ARHGAP10: variants seen among roughly 807,000 people sequenced by gnomAD.
The protein encoded by ARHGAP10 is rho GTPase-activating protein 10.
Under a neutral mutation model 108.6 loss-of-function variants are expected in ARHGAP10, and 87 were observed. The observed-to-expected ratio is 0.80, with a 90% CI of 0.67 to 0.96. ARHGAP10 has a LOEUF of 0.96. ARHGAP10 is among the 40% of genes least tolerant of loss of function. ARHGAP10 has a pLI of 0.00. For missense variants in ARHGAP10, 939 were observed against 954.5 expected (o/e 0.98, Z 0.21); for synonymous variants, 347 against 341.1 (o/e 1.02, Z -0.19).
intron 18 of ARHGAP10, among the ~76,000 whole-genome samples, chr4:147,982,401 A>C (rs1739847554): frequency 3.8e-5 from 5 of 130,932 alleles, no homozygotes; most frequent in African/African-American, 8.8e-5. Context: ...ACAGGGTCTC[A>C]CTCTGTTGCC....
chr4:147,906,827 A>C (rs547390854), intron 11 of ARHGAP10, 108 bp downstream of exon 11: 4 of 1,303,144 alleles, frequency 3.1e-6, no homozygotes, highest in Non-Finnish European at 4.4e-6. Context: ...CTTCTATAAC[A>C]GGTATTCCAA....
chr4:147,977,519 G>A (rs889629570), intron 18 of ARHGAP10, among the ~76,000 whole-genome samples: 5 of 152,138 alleles, frequency 3.3e-5, no homozygotes, highest in African/African-American at 9.7e-5. Context: ...AGATGATTGT[G>A]TGCCAGGCAC....
At chr4:148,029,997 C>T (rs528968550) in intron 19 of ARHGAP10, among the ~76,000 whole-genome samples, 4 of 151,482 alleles carry the variant, frequency 2.6e-5, no homozygotes, top group Admixed American at 2.0e-4. Context: ...CTCAGCATCC[C>T]CCCCCCCACC....
At chr4:147,787,827 G>A (rs1022295044) in intron 1 of ARHGAP10, among the ~76,000 whole-genome samples, 2 of 152,110 alleles carry the variant, frequency 1.3e-5, no homozygotes, top group African/African-American at 4.8e-5. Context: ...TGATGCCTGG[G>A]GGGAAGACAG....
chr4:147,732,642 G>A (rs919971342), intron 1 of ARHGAP10, among the ~76,000 whole-genome samples, 187 bp downstream of exon 1: 11 of 152,060 alleles, frequency 7.2e-5, no homozygotes, highest in Non-Finnish European at 8.8e-5. Context: ...TCGAGGCAGC[G>A]CGGCGAGTCC....
At chr4:148,002,748 T>A (rs955388673) in intron 18 of ARHGAP10, among the ~76,000 whole-genome samples, 7 of 152,228 alleles carry the variant, frequency 4.6e-5, no homozygotes, top group African/African-American at 9.6e-5. Context: ...TTCTGTGGGA[T>A]CAGTGGTGAT....
chr4:147,998,569 G>A (rs949585838), intron 18 of ARHGAP10, among the ~76,000 whole-genome samples: 1 of 152,218 alleles, frequency 6.6e-6, no homozygotes, highest in African/African-American at 2.4e-5. Flanking sequence ...ATTATATAGA[G>A]TTCTTAAATA....
chr4:148,058,971 C>G (rs577619046), intron 20 of ARHGAP10, among the ~76,000 whole-genome samples: 2 of 152,344 alleles, frequency 1.3e-5, no homozygotes, highest in South Asian at 2.1e-4. Flanking sequence ...CACCTAAACA[C>G]AGGAAATGCC....
chr4:147,770,548 A>G (rs774207884), intron 1 of ARHGAP10, among the ~76,000 whole-genome samples: 4 of 152,136 alleles, frequency 2.6e-5, no homozygotes, highest in Non-Finnish European at 5.9e-5. Context: ...CCTGTATCAC[A>G]TTGTTTTATG....
chr4:147,879,829 T>G (rs1472385598), intron 9 of ARHGAP10, among the ~76,000 whole-genome samples: 2 of 152,106 alleles, frequency 1.3e-5, no homozygotes, highest in Non-Finnish European at 2.9e-5. Context: ...AACAATAGAA[T>G]CCTTTTTATG....
chr4:147,919,508 A>C (rs1737141739), intron 13 of ARHGAP10, among the ~76,000 whole-genome samples: 1 of 152,234 alleles, frequency 6.6e-6, no homozygotes, highest in Non-Finnish European at 1.5e-5. Context: ...AAGACTTCCT[A>C]AAGCAGTTGT....
intron 18 of ARHGAP10, among the ~76,000 whole-genome samples, chr4:148,006,739 A>G (rs766931471): frequency 6.6e-6 from 1 of 152,230 alleles, no homozygotes; most frequent in Non-Finnish European, 1.5e-5. Flanking sequence ...GCATCTTTTC[A>G]TGTGATAAAA....
intron 18 of ARHGAP10, among the ~76,000 whole-genome samples, chr4:148,010,501 G>A (rs1487467205): frequency 6.6e-6 from 1 of 152,058 alleles, no homozygotes; most frequent in African/African-American, 2.4e-5. Context: ...CAGAAAGGTT[G>A]CAAGAATGTT....
At position 148,060,974 on chromosome 4, in the gene ARHGAP10, A is replaced by G. The variant is rs890155496; in HGVS notation, c.2028-2174A>G. Among the ~76,000 whole-genome samples, 4 of 152,248 alleles carry G rather than the reference A, an allele frequency of 2.6e-5. 1 individual carries two copies. Among genetic ancestry groups the G allele is most frequent in the Admixed American group, 2.6e-4 (4 of 15,284 alleles). ...GAGATGGAGAAAGCCAGGGTGCGGG[A>G]CAGGCAGGCTTTTCTGTTGCGTATC... On this transcript the variant is annotated intron_variant, in intron 20 of 22. Transcript: ENST00000336498.
intron 20 of ARHGAP10, 127 bp from the exon 21 acceptor site, chr4:148,063,021 C>T: frequency 1.7e-6 from 2 of 1,192,922 alleles, no homozygotes; most frequent in South Asian, 2.9e-5. Flanking sequence ...GCAGAGAGGA[C>T]TCTGTCCCTA....
chr4:148,042,688 T>G (rs1248883402), intron 19 of ARHGAP10, among the ~76,000 whole-genome samples: 1 of 152,218 alleles, frequency 6.6e-6, no homozygotes, highest in Non-Finnish European at 1.5e-5. Context: ...TGTCTTTGCC[T>G]GTCTTCTGCA....
At chr4:147,750,520 C>T (rs1729095327) in intron 1 of ARHGAP10, among the ~76,000 whole-genome samples, 1 of 151,988 alleles carries the variant, frequency 6.6e-6, no homozygotes, top group Non-Finnish European at 1.5e-5. Context: ...GAATAGTCAT[C>T]ACCCAACCTA....
chr4:147,745,131 G>A (rs142233308), intron 1 of ARHGAP10, among the ~76,000 whole-genome samples: 2 of 152,096 alleles, frequency 1.3e-5, no homozygotes, highest in African/African-American at 2.4e-5. Context: ...CCACAGAGAG[G>A]TCAAGTAGCT....
chr4:147,991,475 G>A (rs1428506603), intron 18 of ARHGAP10, among the ~76,000 whole-genome samples: 1 of 152,206 alleles, frequency 6.6e-6, no homozygotes, highest in Non-Finnish European at 1.5e-5. Flanking sequence ...GCCCCAAGTG[G>A]ATGATGTTTC....
Sources: gnomAD v4.1 joint callset for allele counts (sites outside exome capture counted in the v4.1 genomes callset) on GRCh38, gnomAD v4.1.1 for gene constraint, MANE v1.5 for transcripts, NCBI Gene and HGNC (gene_info 2026-07-23, HGNC 2026-07-21) for gene names.